Variants in RARB observed in about 807,000 individuals in gnomAD.
RARB encodes the protein retinoic acid receptor beta.
A neutral mutation model predicts 51.9 loss-of-function variants in RARB; 17 were observed. The observed-to-expected ratio is 0.33, with a 90% CI of 0.22 to 0.49. The LOEUF (loss-of-function observed/expected upper bound fraction) is 0.49, where lower values mean the gene tolerates loss of function less well. Ranked by LOEUF, RARB falls within the 20% of genes least tolerant of loss-of-function variation. The pLI is 0.99. For missense variants in RARB, 369 were observed against 550.8 expected, an observed-to-expected ratio of 0.67 and a Z score of 3.30; for synonymous variants, 215 against 195.4, an observed-to-expected ratio of 1.10 and a Z score of -0.84.
Position 25,473,921 on chromosome 3 carries a change from G to GAAAAA in RARB, c.306+12588_306+12592dup, listed in dbSNP as rs533183147. Among the ~76,000 whole-genome samples the GAAAAA allele has an allele frequency of 5.5e-5, 6 of 108,322 alleles. 1 individual carries two copies. Among genetic ancestry groups the GAAAAA allele is most frequent in the Non-Finnish European group, 8.7e-5 (5 of 57,168 alleles). 71.1% of individuals were successfully genotyped at this position (108,322 alleles called of 152,430 possible). ...TGGAGGTATTTTCTATGTCTGGCAGGAAAAAAAAAAAACCTTTATCTTGGC... is the reference window on the plus strand; with the variant it reads ...TGGAGGTATTTTCTATGTCTGGCAGGAAAAAAAAAAAAAAAAACCTTTATCTTGGC... On this transcript the variant is annotated intron_variant, in intron 2 of 7. Transcript: ENST00000330688.
chr3:25,254,603 C>T (rs1249100503), intron 5 of RARB, among the ~76,000 whole-genome samples: 4 of 149,818 alleles, frequency 2.7e-5, no homozygotes, highest in Admixed American at 6.7e-5. Flanking sequence ...GCTGGGGGGT[C>T]GGGGGGTGCT....
chr3:25,391,940 A>C (rs1706972325), intron 5 of RARB, among the ~76,000 whole-genome samples: 1 of 151,986 alleles, frequency 6.6e-6, no homozygotes, highest in African/African-American at 2.4e-5. Flanking sequence ...TTTGCTTTTG[A>C]ATTCTTGGAC....
chr3:25,592,194 G>A lies in RARB; in HGVS notation c.787-1309G>A, dbSNP rs1975250. Reference sequence around the variant, plus strand: ...TCAGAGGCCACTCCTCTCTGCACATGGCTGTGTAACAGGAATAATGCAGGC... The same window carrying A: ...TCAGAGGCCACTCCTCTCTGCACATAGCTGTGTAACAGGAATAATGCAGGC... On this transcript the variant is annotated intron_variant, in intron 5 of 7. Transcript: ENST00000330688. Among the ~76,000 whole-genome samples the A allele has an allele frequency of 5.8e-3, 890 of 152,328 alleles. 14 individuals carry two copies. Among genetic ancestry groups the A allele is most frequent in the African/African-American group, 0.021 (853 of 41,580 alleles).
chr3:25,111,240 C>A (rs1699595973), intron 3 of RARB, among the ~76,000 whole-genome samples: 1 of 152,112 alleles, frequency 6.6e-6, no homozygotes, highest in African/African-American at 2.4e-5. Context: ...AATTCAGTGG[C>A]ATAATTTTAG....
In RARB at chr3:24,942,797, C is replaced by T. The variant is rs1575083275; in HGVS notation, c.-380+84045C>T. The stretch of plus-strand genomic sequence containing the variant: ...AACTCCCCTAAACCAACATACCTCA[C>T]TTTTTTTCTCTATTAACTTATGGAT... On this transcript the variant is annotated intron_variant, in intron 2 of 11. Coordinates refer to the RARB transcript ENST00000383772. 2.0e-5 allele frequency among the ~76,000 whole-genome samples: 3 copies of T among 152,254 alleles called. No homozygotes were observed. In the Middle Eastern group the frequency reaches 0.01, roughly 518 times the overall value.
At chr3:25,302,429 A>T (rs1009384045) in intron 5 of RARB, among the ~76,000 whole-genome samples, 2 of 151,956 alleles carry the variant, frequency 1.3e-5, no homozygotes, top group Non-Finnish European at 1.5e-5. Context: ...ATTCAGCCAT[A>T]AAAAAAATGA....
At chr3:24,913,679 C>T (rs546080452) in intron 2 of RARB, among the ~76,000 whole-genome samples, 1 of 152,076 alleles carries the variant, frequency 6.6e-6, no homozygotes, top group Non-Finnish European at 1.5e-5. Context: ...AATGATAACA[C>T]TCATCTGAGT....
At chr3:25,219,077 A>G (rs73042351) in intron 5 of RARB, among the ~76,000 whole-genome samples, 16,466 of 152,196 alleles carry the variant, frequency 0.11, 938 homozygotes, top group Non-Finnish European at 0.13. Context: ...TTTATTTAGC[A>G]TCTACTATGT....
intron 5 of RARB, among the ~76,000 whole-genome samples, chr3:25,358,610 G>A (rs1021720601): frequency 6.6e-6 from 1 of 152,164 alleles, no homozygotes; most frequent in Admixed American, 6.6e-5. Flanking sequence ...GATATTGGCT[G>A]TGCGTTCTCA....
intron 2 of RARB, among the ~76,000 whole-genome samples, chr3:24,892,041 T>C (rs757524270): frequency 5.3e-5 from 8 of 152,036 alleles, no homozygotes; most frequent in Non-Finnish European, 8.8e-5. Flanking sequence ...CCAGTTAGAC[T>C]TGTGAGGGAA....
intron 2 of RARB, among the ~76,000 whole-genome samples, chr3:24,997,123 T>C (rs1424467151): frequency 6.9e-6 from 1 of 145,436 alleles, no homozygotes. Flanking sequence ...ATTTACTTTA[T>C]ATATCTGAGG....
chr3:25,046,932 G>A (rs1014545077), intron 2 of RARB, among the ~76,000 whole-genome samples: 23 of 152,118 alleles, frequency 1.5e-4, no homozygotes, highest in African/African-American at 4.8e-4. Flanking sequence ...TTTGGCTCAG[G>A]AACACTTATT....
chr3:25,419,976 G>A lies in RARB; in HGVS notation c.179-41217G>A, dbSNP rs200367936. Among the ~76,000 whole-genome samples, 62 of 152,160 alleles carry A rather than the reference G, an allele frequency of 4.1e-4. No homozygotes were observed. In the East Asian group the frequency reaches 7.9e-3, roughly 19 times the overall value. On this transcript the variant is annotated intron_variant, in intron 5 of 11. Coordinates refer to the RARB transcript ENST00000383772. ...GATATCTTCTCTAAGAGAAGCTTTC[G>A]AAGCTCTTGGTTGACTAGATGTTGA...
intron 3 of RARB, among the ~76,000 whole-genome samples, chr3:25,096,922 C>T (rs1247354667): frequency 6.6e-6 from 1 of 152,174 alleles, no homozygotes; most frequent in Non-Finnish European, 1.5e-5. Context: ...TTACCTGAAA[C>T]CTCTCTGATC....
At chr3:25,193,826 G>A (rs1032366131) in intron 5 of RARB, among the ~76,000 whole-genome samples, 6 of 151,900 alleles carry the variant, frequency 3.9e-5, no homozygotes, top group African/African-American at 1.4e-4. Flanking sequence ...TACATTTTCT[G>A]TGTTTATATG....
In RARB at chr3:25,110,134, T is replaced by G. The variant is rs149997465; in HGVS notation, c.-327-22027T>G. ...TGAAACGTTCATACCAGGAGTGGTATCCTCCAAAAAAATCCCTACAAATGG... is the reference window on the plus strand; with the variant it reads ...TGAAACGTTCATACCAGGAGTGGTAGCCTCCAAAAAAATCCCTACAAATGG... On this transcript the variant is annotated intron_variant, in intron 3 of 11. Coordinates refer to the RARB transcript ENST00000383772. 3.4e-3 allele frequency among the ~76,000 whole-genome samples: 522 copies of G among 152,294 alleles called. 4 individuals are homozygous for G. The highest frequency in any genetic ancestry group is 5.5e-3 in the Non-Finnish European group (374 of 68,024).
At chr3:24,888,571 C>T (rs1020695512) in intron 2 of RARB, among the ~76,000 whole-genome samples, 4 of 151,472 alleles carry the variant, frequency 2.6e-5, no homozygotes, top group African/African-American at 9.7e-5. Context: ...ATATTTAACA[C>T]CCAAGCTTTT....
chr3:25,135,227 A>T (rs575191887), intron 4 of RARB, among the ~76,000 whole-genome samples: 1 of 151,986 alleles, frequency 6.6e-6, no homozygotes, highest in Non-Finnish European at 1.5e-5. Flanking sequence ...AGTGCAACTA[A>T]GGAACTGATT....
At chr3:25,219,332 T>C (rs1056611552) in intron 5 of RARB, among the ~76,000 whole-genome samples, 1 of 152,116 alleles carries the variant, frequency 6.6e-6, no homozygotes, top group Non-Finnish European at 1.5e-5. Flanking sequence ...ACCTACCCTA[T>C]TCTCATTTTC....
Sources: allele counts gnomAD v4.1 joint callset (sites outside exome capture counted in the v4.1 genomes callset), GRCh38; gene constraint gnomAD v4.1.1; transcripts MANE v1.5; gene names NCBI Gene and HGNC (gene_info 2026-07-23, HGNC 2026-07-21).